CLCNKA: variants seen among roughly 807,000 people sequenced by gnomAD.
CLCNKA encodes the protein chloride voltage-gated channel Ka, also known as chloride channel protein ClC-Ka.
A neutral mutation model predicts 83.3 loss-of-function variants in CLCNKA; 66 were observed. The ratio of observed to expected loss-of-function variants is 0.79; its 90% CI spans 0.65 to 0.97. CLCNKA has a LOEUF of 0.97. Ranked by LOEUF, CLCNKA falls within the 50% of genes least tolerant of loss-of-function variation. CLCNKA has a pLI of 0.00. For missense variants in CLCNKA, 806 were observed against 888.7 expected (o/e 0.91, Z 1.18); for synonymous variants, 357 against 370.4 (o/e 0.96, Z 0.42).
Position 16,032,233 on chromosome 1 carries a change from G to T in CLCNKA, c.1787G>T (p.Arg596Met), listed in dbSNP as rs756483515. 3.1e-6 allele frequency: 5 copies of T among 1,612,650 alleles called. No homozygotes were observed. The highest frequency in any genetic ancestry group is 3.4e-6 in the Non-Finnish European group (4 of 1,179,960). ...CAGATCCTGGTAGGCATCGTGCAGA[G>T]GGCCCAGCTGGTGCAGGCCCTCCAG... is the stretch of plus-strand genomic sequence containing the variant. ...ESQILVGIVQRAQLVQALQAE... is the reference protein window; with the variant it reads ...ESQILVGIVQMAQLVQALQAE... Residue 596 changes from arginine (R) to methionine (M), a missense_variant, in exon 17 of 20, where the codon AGG becomes ATG. By Grantham distance (91) the Arg-to-Met change is moderately conservative. Coordinates refer to ENST00000331433, the MANE Select transcript of CLCNKA (RefSeq NM_004070.4).
intron 11 of CLCNKA, 46 bp from the exon 12 acceptor site, chr1:16,029,080 G>C (rs758637571): frequency 6.3e-7 from 1 of 1,596,516 alleles, no homozygotes; most frequent in East Asian, 2.2e-5. Context: ...GGGGTCTGCC[G>C]CTGGGGGGGG....
In CLCNKA at chr1:16,031,609, C is replaced by G. The variant is rs1275230203; in HGVS notation, c.1623-101C>G. ...TCCAGCCCTGCTCACACTCCAGAGC[C>G]GTGGGTCCCTGGTTCAAGCAAAGCT... On this transcript the variant is annotated intron_variant, in intron 15 of 19. Coordinates refer to ENST00000331433, the MANE Select transcript of CLCNKA (RefSeq NM_004070.4). 4 of 1,546,796 alleles carry G rather than the reference C, an allele frequency of 2.6e-6. No individual in the cohort carries two copies. In the East Asian group the frequency reaches 9.3e-5, roughly 36 times the overall value.
intron 4 of CLCNKA, among the ~76,000 whole-genome samples, chr1:16,025,414 A>G (rs1300720861): frequency 1.3e-5 from 2 of 152,236 alleles, no homozygotes; most frequent in East Asian, 1.9e-4. Context: ...GACTCAGTCT[A>G]TAATCCCAGC....
chr1:16,032,169 T>C (rs1254290589), intron 16 of CLCNKA, 34 bp from the exon 17 acceptor site: 5 of 1,586,900 alleles, frequency 3.2e-6, no homozygotes, highest in East Asian at 2.2e-5. Flanking sequence ...TTCTTCATAA[T>C]GCACCTCCCT....
intron 8 of CLCNKA, 35 bp from the exon 9 acceptor site, chr1:16,027,786 C>T (rs57016480): frequency 1.9e-6 from 3 of 1,572,036 alleles, no homozygotes; most frequent in Non-Finnish European, 2.6e-6. Context: ...CGGGTGGGAG[C>T]GCCATCTTGG....
Position 16,033,787 on chromosome 1 carries a change from G to A in CLCNKA, c.*129G>A. 1 of 933,218 alleles carries A rather than the reference G, an allele frequency of 1.1e-6. No homozygotes were observed. The allele number at this position is 933,218 out of a possible 1,614,324, so 57.8% of individuals were successfully genotyped here. A position where few individuals can be genotyped will look rare whatever the true frequency, so the allele number is the denominator to read the frequency against. ...CCCAGCTCCATTCTTTGGCATAACA[G>A]GCAACTCTAACCTAGCCCAGAAGAG... On this transcript the variant is annotated 3_prime_UTR_variant, in exon 20 of 20. Transcript: ENST00000331433.
Position 16,022,675 on chromosome 1 carries a change from AGGAGCTGT to A in CLCNKA, c.59_66del (p.Glu20GlyfsTer170). 3 of 1,563,690 alleles carry A rather than the reference AGGAGCTGT, an allele frequency of 1.9e-6. No individual in the cohort carries two copies. Among genetic ancestry groups the A allele is most frequent in the South Asian group, 2.4e-5 (2 of 83,750 alleles). On this transcript the variant is annotated frameshift_variant, in exon 2 of 20. Transcript: ENST00000331433. LOFTEE classifies it high-confidence loss of function. ...TTCTCAGGGGACCCTGTGACTCTGCAGGAGCTGTGGGGCCCCTGTCCCCACATCCGCCG... is the reference window on the plus strand; with the variant it reads ...TTCTCAGGGGACCCTGTGACTCTGCAGGGGCCCCTGTCCCCACATCCGCCG...
rs772320816 is a variant in CLCNKA, at chr1:16,030,093, C to T, written c.1408+18C>T. ...TCTGGCAGGTGAGTGGGTCACGGCC[C>T]TGCTGGGTGGGCAATGTCGTGGGGC... On this transcript the variant is annotated intron_variant, in intron 14 of 19. Transcript: ENST00000331433. 3 of 1,553,154 alleles carry T rather than the reference C, an allele frequency of 1.9e-6. No homozygotes were observed. Among genetic ancestry groups the T allele is most frequent in the Non-Finnish European group, 2.7e-6 (3 of 1,125,400 alleles).
Position 16,030,419 on chromosome 1 carries a change from G to A in CLCNKA, c.1409-42G>A, listed in dbSNP as rs2022576222. ...ATTCCCTCACATCAGGCTGGCCCCTGCCTCCTGGCCTGAGCCGACCTGTGT... is the reference window on the plus strand; with the variant it reads ...ATTCCCTCACATCAGGCTGGCCCCTACCTCCTGGCCTGAGCCGACCTGTGT... On this transcript the variant is annotated intron_variant, in intron 14 of 19. Coordinates refer to ENST00000331433, the MANE Select transcript of CLCNKA (RefSeq NM_004070.4). The A allele has an allele frequency of 2.5e-6, 4 of 1,608,700 alleles. No homozygotes were observed. The African/African-American group carries it at 5.3e-5, about 21-fold the overall frequency.
Position 16,029,276 on chromosome 1 carries a change from C to G in CLCNKA, c.1204C>G (p.Leu402Val). The G allele has an allele frequency of 4.3e-6, 7 of 1,613,932 alleles. No individual in the cohort carries two copies. The highest frequency in any genetic ancestry group is 5.9e-6 in the Non-Finnish European group (7 of 1,180,006). ...CCCGCGGTTCACCATCTTTGGGACCCTTGCCTTCTTCCTGGTTATGAAGGT... is the reference window on the plus strand; with the variant it reads ...CCCGCGGTTCACCATCTTTGGGACCGTTGCCTTCTTCCTGGTTATGAAGGT... ...YHPRFTIFGT[L>V]AFFLVMKFWM... is the part of the protein sequence containing the mutation. The change falls in exon 12 of 20, where the codon CTT (leucine) becomes GTT (valine). Residue 402 changes from leucine to valine, a missense_variant. Coordinates refer to ENST00000331433, the MANE Select transcript of CLCNKA (RefSeq NM_004070.4).
At chr1:16,027,270 G>C (rs2022399839) in intron 7 of CLCNKA, 40 bp from the exon 8 acceptor site, 1 of 1,611,386 alleles carries the variant, frequency 6.2e-7, no homozygotes. Context: ...CCACAGGTGG[G>C]TGGGGGTGGG....
chr1:16,027,677 G>A (rs2022424115), intron 8 of CLCNKA, 144 bp from the exon 9 acceptor site: 2 of 1,550,612 alleles, frequency 1.3e-6, no homozygotes, highest in East Asian at 2.3e-5. Flanking sequence ...GGAGGCAAGA[G>A]CCTGGTTGTG....
In CLCNKA at chr1:16,029,177, C is replaced by T; in HGVS notation, c.1105C>T (p.Leu369=). 1.2e-6 allele frequency: 2 copies of T among 1,612,984 alleles called. No homozygotes were observed. The highest frequency in any genetic ancestry group is 1.7e-6 in the Non-Finnish European group (2 of 1,179,864). Residue 369 remains leucine (L), a synonymous_variant, in exon 12 of 20, where the codon CTG becomes TTG. Coordinates refer to ENST00000331433, the MANE Select transcript of CLCNKA (RefSeq NM_004070.4). ...DSLFDNHSWA[L]MTQNSSPPWP... is the part of the protein sequence containing the mutation. ...GCTGTTCGACAACCACTCCTGGGCG[C>T]TGATGACCCAGAACTCCAGCCCACC...
At chr1:16,023,757 C>A (rs941548084) in intron 2 of CLCNKA, 43 bp from the exon 3 acceptor site, 10 of 1,612,406 alleles carry the variant, frequency 6.2e-6, no homozygotes, top group Non-Finnish European at 8.5e-6. Flanking sequence ...CTGTCTGTGC[C>A]CCTTGCCCCA....
At chr1:16,032,615 C>T (rs2022676286) in intron 18 of CLCNKA, 89 bp downstream of exon 18, 1 of 962,758 alleles carries the variant, frequency 1.0e-6, no homozygotes, top group Non-Finnish European at 1.7e-6. Context: ...CCCGTCCCAA[C>T]CCCGCCCCGC....
At chr1:16,029,410 C>T in intron 12 of CLCNKA, 111 bp downstream of exon 12, 4 of 1,516,434 alleles carry the variant, frequency 2.6e-6, no homozygotes, top group South Asian at 2.3e-5. Flanking sequence ...CTCACCCACA[C>T]TTCCTTCTGT....
chr1:16,032,136 G>A (rs1011526228), intron 16 of CLCNKA, 67 bp from the exon 17 acceptor site: 40 of 1,480,508 alleles, frequency 2.7e-5, no homozygotes, highest in African/African-American at 1.6e-4. Flanking sequence ...AAGGTCTTCC[G>A]GAAGCTTGGC....
In CLCNKA at chr1:16,031,831, G is replaced by T. The variant is rs1209940522; in HGVS notation, c.1744G>T (p.Val582Leu). 6.2e-7 allele frequency: 1 copy of T among 1,613,746 alleles called. No homozygotes were observed. The highest frequency in any genetic ancestry group is 1.3e-5 in the African/African-American group (1 of 74,914). Residue 582 changes from valine to leucine, a missense_variant, in exon 16 of 20, where the codon GTG (valine) becomes TTG (leucine). Val to Leu is a conservative substitution (Grantham distance 32). Transcript: ENST00000331433. ...CACAGACGTGACCGAGTATCCCCTG[G>T]TGGAGAGCACAGGTGCCCAGCTGGA... ...TSTDVTEYPL[V>L]ESTESQILVG...
At chr1:16,025,172 TC>T in intron 4 of CLCNKA, among the ~76,000 whole-genome samples, 1 of 152,150 alleles carries the variant, frequency 6.6e-6, no homozygotes, top group East Asian at 1.9e-4. Flanking sequence ...CTCAGGCCAC[TC>T]AGCCCTTCCT....
Sources: allele counts gnomAD v4.1 joint callset (sites outside exome capture counted in the v4.1 genomes callset), GRCh38; gene constraint gnomAD v4.1.1; transcripts MANE v1.5; gene names NCBI Gene and HGNC (gene_info 2026-07-23, HGNC 2026-07-21).